The following PIK3C2G variants were observed in gnomAD, a reference collection of about 807,000 sequenced individuals.
PIK3C2G encodes phosphatidylinositol-4-phosphate 3-kinase catalytic subunit type 2 gamma, also known as phosphatidylinositol 3-kinase C2 domain-containing subunit gamma.
PIK3C2G carries 168 observed loss-of-function variants against 181.1 expected under a neutral mutation model. The ratio of observed to expected loss-of-function variants is 0.93; its 90% CI spans 0.82 to 1.05. The LOEUF is 1.05. PIK3C2G is among the 50% of genes least tolerant of loss of function. The pLI, the probability that PIK3C2G is intolerant of heterozygous loss-of-function variation, is 0.00. For missense variants in PIK3C2G, 1,869 were observed against 1,732.8 expected, an observed-to-expected ratio of 1.08 and a Z score of -1.40; for synonymous variants, 573 against 592.2, an observed-to-expected ratio of 0.97 and a Z score of 0.47.
chr12:18,655,811 G>A, the PIK3C2G span, among the ~76,000 whole-genome samples: 2 of 71,794 alleles, frequency 2.8e-5, no homozygotes, highest in Admixed American at 3.3e-4. Context: ...CCAAATACTT[G>A]ACTAGTACTC....
At position 18,536,867 on chromosome 12, in the gene PIK3C2G, G is replaced by T. The variant is rs144489017; in HGVS notation, c.3324-1289G>T. On this transcript the variant is annotated intron_variant, in intron 24 of 32. Coordinates refer to ENST00000538779, the MANE Select transcript of PIK3C2G (RefSeq NM_001288772.2). ...AGACCTGATACTTTAGACATAGTCC[G>T]CAGTGTATGTATGTGCTCAATAAAT... 2.6e-5 allele frequency among the ~76,000 whole-genome samples: 4 copies of T among 152,156 alleles called. No individual in the cohort carries two copies. In the East Asian group the frequency reaches 5.8e-4, roughly 22 times the overall value.
chr12:18,638,479 A>G (rs917182249), intron 31 of PIK3C2G, among the ~76,000 whole-genome samples: 2 of 152,200 alleles, frequency 1.3e-5, no homozygotes, highest in Non-Finnish European at 2.9e-5. Flanking sequence ...TCACTTTAAC[A>G]GTAGACACTT....
the PIK3C2G span, among the ~76,000 whole-genome samples, chr12:18,675,113 G>C: frequency 6.6e-6 from 1 of 152,162 alleles, no homozygotes; most frequent in Non-Finnish European, 1.5e-5. Context: ...AATGTGGCTA[G>C]AGAACAAAAT....
At chr12:18,641,104 C>A (rs755686354) in intron 32 of PIK3C2G, among the ~76,000 whole-genome samples, 14 of 152,244 alleles carry the variant, frequency 9.2e-5, no homozygotes, top group Non-Finnish European at 1.8e-4. Flanking sequence ...GCACCTTGCT[C>A]AGCTGCTTAT....
chr12:18,702,768 T>A, the PIK3C2G span, among the ~76,000 whole-genome samples: 2 of 151,892 alleles, frequency 1.3e-5, no homozygotes, highest in Non-Finnish European at 2.9e-5. Flanking sequence ...TTAACAAGTC[T>A]CTAGGCAATT....
chr12:18,281,590 CTG>C (rs1338233125), intron 1 of PIK3C2G, among the ~76,000 whole-genome samples: 1 of 151,916 alleles, frequency 6.6e-6, no homozygotes, highest in Non-Finnish European at 1.5e-5. Context: ...AGAGTTAAAA[CTG>C]TGTCTATGGA....
At chr12:18,358,301 T>A (rs1386322897) in intron 11 of PIK3C2G, 1 of 152,978 alleles carries the variant, frequency 6.5e-6, no homozygotes, top group African/African-American at 2.4e-5. Flanking sequence ...CACTTGGCTT[T>A]ATGCCAGCAA....
At chr12:18,270,980 A>G (rs1565538048) in intron 1 of PIK3C2G, among the ~76,000 whole-genome samples, 2 of 151,908 alleles carry the variant, frequency 1.3e-5, no homozygotes, top group Non-Finnish European at 2.9e-5. Flanking sequence ...TGTTTTGCTG[A>G]TTTTTTTAGG....
intron 24 of PIK3C2G, among the ~76,000 whole-genome samples, chr12:18,507,041 T>G (rs929027594): frequency 2.0e-5 from 3 of 152,178 alleles, no homozygotes; most frequent in Non-Finnish European, 4.4e-5. Context: ...TTTACTTTTT[T>G]TTTTTTGAGA....
At chr12:18,395,044 A>AT (rs988769336) in intron 15 of PIK3C2G, among the ~76,000 whole-genome samples, 1 of 121,988 alleles carries the variant, frequency 8.2e-6, no homozygotes, top group African/African-American at 3.0e-5. Context: ...TGTTTCTTTC[A>AT]TTTTCTCTTT....
chr12:18,314,322 T>A (rs1950768347), intron 6 of PIK3C2G, among the ~76,000 whole-genome samples: 1 of 152,098 alleles, frequency 6.6e-6, no homozygotes, highest in Non-Finnish European at 1.5e-5. Context: ...CCAAAATTCA[T>A]AAGTTGAGGC....
chr12:18,600,376 T>C lies in PIK3C2G; in HGVS notation c.4087+5807T>C, dbSNP rs536682087. ...TTTCTAAAGACTAGCAATAGTGAAA[T>C]ACTACATCTCAGAAACCATGAAAGA... On this transcript the variant is annotated intron_variant, in intron 30 of 32. Transcript: ENST00000538779. Among the ~76,000 whole-genome samples, 7 of 151,966 alleles carry C rather than the reference T, an allele frequency of 4.6e-5. 1 individual carries two copies. Among genetic ancestry groups the C allele is most frequent in the African/African-American group, 1.7e-4 (7 of 41,438 alleles).
chr12:18,379,084 A>G (rs1332600001), intron 13 of PIK3C2G, among the ~76,000 whole-genome samples: 12 of 152,076 alleles, frequency 7.9e-5, no homozygotes, highest in Admixed American at 7.9e-4. Flanking sequence ...TTGCGGCACT[A>G]TTCACAATAG....
At position 18,583,025 on chromosome 12, in the gene PIK3C2G, T is replaced by G. The variant is rs1946583234; in HGVS notation, c.4012-11469T>G. On this transcript the variant is annotated intron_variant, in intron 29 of 32. Coordinates refer to ENST00000538779, the MANE Select transcript of PIK3C2G (RefSeq NM_001288772.2). ...AGGTGCTAGAGAGTCCGGGGTGACT[T>G]TAGGCTGGAGCAGTCCCGTGGCACA... Among the ~76,000 whole-genome samples, 3 of 152,118 alleles carry G rather than the reference T, an allele frequency of 2.0e-5. 1 individual carries two copies. In the South Asian group the frequency reaches 6.2e-4, roughly 32 times the overall value.
the PIK3C2G span, among the ~76,000 whole-genome samples, chr12:18,686,280 T>C: frequency 6.6e-6 from 1 of 151,988 alleles, no homozygotes; most frequent in Non-Finnish European, 1.5e-5. Flanking sequence ...AACACTCAAC[T>C]CTGTTAAAGT....
the PIK3C2G span, among the ~76,000 whole-genome samples, chr12:18,692,284 C>G: frequency 1.3e-5 from 2 of 152,024 alleles, no homozygotes; most frequent in Non-Finnish European, 2.9e-5. Flanking sequence ...ACCAATGAAA[C>G]CATAGCCACT....
intron 18 of PIK3C2G, among the ~76,000 whole-genome samples, chr12:18,443,674 T>G (rs1946868785): frequency 6.6e-6 from 1 of 152,184 alleles, no homozygotes; most frequent in African/African-American, 2.4e-5. Context: ...AACAGAAAAT[T>G]CTTTCACGGA....
intron 24 of PIK3C2G, among the ~76,000 whole-genome samples, chr12:18,526,076 T>TTAATTTC (rs1388170242): frequency 5.3e-5 from 8 of 152,318 alleles, no homozygotes; most frequent in South Asian, 4.1e-4. Flanking sequence ...AAAAGTTAAT[T>TTAATTTC]TAATTTCTAA....
At chr12:18,704,146 A>T in the PIK3C2G span, among the ~76,000 whole-genome samples, 2 of 152,164 alleles carry the variant, frequency 1.3e-5, no homozygotes, top group Non-Finnish European at 2.9e-5. Context: ...GACAGTATTG[A>T]ATGTTAATGA....
Sources: allele counts gnomAD v4.1 joint callset (sites outside exome capture counted in the v4.1 genomes callset), GRCh38; gene constraint gnomAD v4.1.1; transcripts MANE v1.5; gene names NCBI Gene and HGNC (gene_info 2026-07-23, HGNC 2026-07-21).